Variants in IDI2 observed in about 807,000 individuals in gnomAD.
IDI2 encodes isopentenyl-diphosphate delta-isomerase 2.
Under a neutral mutation model 14.8 loss-of-function variants are expected in IDI2, and 18 were observed. That is an observed-to-expected ratio of 1.22 (90% confidence interval 0.84 to 1.80). The LOEUF is 1.80. IDI2 is among the 40% of genes most tolerant of loss of function. The pLI is 0.00. For synonymous variants in IDI2, 133 were observed against 109.6 expected (o/e 1.21, Z -1.33); for missense variants, 316 against 283.2 (o/e 1.12, Z -0.83).
At chr10:1,022,136 G>T (rs1291348014) in intron 3 of IDI2, among the ~76,000 whole-genome samples, 6 of 152,116 alleles carry the variant, frequency 3.9e-5, no homozygotes, top group Non-Finnish European at 7.4e-5. Context: ...GCGGGCGCCT[G>T]TAGTCCCAGC....
Position 1,024,753 on chromosome 10 carries a change from G to C in IDI2, c.-21-9C>G. ...GCTGGCTGTGACCCGACCTGAAATA[G>C]ATGCACACAAATGCCTCTTTATGTG... is the stretch of plus-strand genomic sequence containing the variant. On this transcript the variant is annotated splice_polypyrimidine_tract_variant and intron_variant, in intron 1 of 4. Transcript: ENST00000277517. 1 of 1,613,276 alleles carries C rather than the reference G, an allele frequency of 6.2e-7. No homozygotes were observed. Among genetic ancestry groups the C allele is most frequent in the Non-Finnish European group, 8.5e-7 (1 of 1,179,706 alleles).
intron 1 of IDI2, among the ~76,000 whole-genome samples, chr10:1,025,052 A>ACACACACAC (rs71376881): frequency 1.4e-5 from 2 of 143,376 alleles, no homozygotes; most frequent in African/African-American, 2.6e-5. Flanking sequence ...ACACACACAC[A>ACACACACAC]AAACACACCG....
At chr10:1,022,824 G>T in intron 2 of IDI2, 49 bp from the exon 3 acceptor site, 1 of 1,376,826 alleles carries the variant, frequency 7.3e-7, no homozygotes, top group Non-Finnish European at 1.0e-6. Flanking sequence ...GAGTCTGTAC[G>T]ATTGTCCTTC....
chr10:1,019,252 A>G lies in IDI2; in HGVS notation c.*265T>C. The G allele has an allele frequency of 2.7e-6, 1 of 376,090 alleles. No individual in the cohort carries two copies. The highest frequency in any genetic ancestry group is 4.8e-6 in the Non-Finnish European group (1 of 207,694). The allele number at this position is 376,090 out of a possible 1,614,324, so 23.3% of individuals were successfully genotyped here. A position where few individuals can be genotyped will look rare whatever the true frequency, so the allele number is the denominator to read the frequency against. On this transcript the variant is annotated 3_prime_UTR_variant, in exon 5 of 5. Transcript: ENST00000277517. ...TTTCAGGATCAGCTGCTGTTAATCA[A>G]ACAAGTGCTTATAAAATGGAAATTG...
intron 1 of IDI2, among the ~76,000 whole-genome samples, chr10:1,025,082 C>T (rs1413225065): frequency 6.6e-6 from 1 of 151,182 alleles, no homozygotes; most frequent in African/African-American, 2.4e-5. Context: ...GTAGGTAACA[C>T]TCTTTGTACA....
At chr10:1,024,516 G>A (rs964936852) in intron 2 of IDI2, 66 bp downstream of exon 2, 8 of 1,570,510 alleles carry the variant, frequency 5.1e-6, no homozygotes, top group Admixed American at 1.8e-5. Flanking sequence ...CTCTTCTTAG[G>A]TTGCCGTCGG....
chr10:1,020,968 T>C lies in IDI2; in HGVS notation c.236-71A>G, dbSNP rs548692670. 2.7e-5 allele frequency: 41 copies of C among 1,501,868 alleles called. No individual in the cohort carries two copies. In the African/African-American group the frequency reaches 4.8e-4, roughly 18 times the overall value. 93.0% of individuals were successfully genotyped at this position (1,501,868 alleles called of 1,614,324 possible). A position where few individuals can be genotyped will look rare whatever the true frequency, so the allele number is the denominator to read the frequency against. On this transcript the variant is annotated intron_variant, in intron 3 of 4. Transcript: ENST00000277517. Reference sequence around the variant, plus strand: ...TGAATATATTAAATACAAATGCAGATGCTTCATGTAAAACCATCATCCGTC... The same window carrying C: ...TGAATATATTAAATACAAATGCAGACGCTTCATGTAAAACCATCATCCGTC...
intron 3 of IDI2, 157 bp downstream of exon 3, chr10:1,022,526 A>G: frequency 1.7e-6 from 1 of 599,570 alleles, no homozygotes; most frequent in East Asian, 2.8e-5. Flanking sequence ...AGCTATCAGC[A>G]TAATTAGCAT....
chr10:1,025,025 C>CACACAG (rs1307414100), intron 1 of IDI2, among the ~76,000 whole-genome samples: 66 of 28,690 alleles, frequency 2.3e-3, no homozygotes, highest in African/African-American at 9.9e-3. Context: ...CACACACACA[C>CACACAG]ACACACACAC....
rs10160004 is a variant in IDI2, at chr10:1,019,847, A to G, written c.367-13T>C. ...CCTCTGGAGAAATCTATTGACAGAAATTGGTGCAGTGTTAACAACGCTAAT... is the reference window on the plus strand; with the variant it reads ...CCTCTGGAGAAATCTATTGACAGAAGTTGGTGCAGTGTTAACAACGCTAAT... On this transcript the variant is annotated splice_polypyrimidine_tract_variant and intron_variant, in intron 4 of 4. Transcript: ENST00000277517. 16,447 of 1,593,568 alleles carry G rather than the reference A, an allele frequency of 0.01. 1,416 individuals carry two copies. The African/African-American group carries it at 0.19, about 19-fold the overall frequency.
Position 1,019,783 on chromosome 10 carries a change from A to G in IDI2, c.418T>C (p.Ser140Pro), listed in dbSNP as rs576808585. 5.6e-6 allele frequency: 9 copies of G among 1,613,986 alleles called. No homozygotes were observed. In the East Asian group the frequency reaches 1.6e-4, roughly 28 times the overall value. Residue 140 changes from serine (S) to proline (P), a missense_variant, in exon 5 of 5, where the codon TCA becomes CCA. Physicochemically the swap from Ser to Pro is moderately conservative, Grantham distance 74 (BLOSUM62 -1). Coordinates refer to ENST00000277517, the MANE Select transcript of IDI2 (RefSeq NM_033261.3). ...TCATGCTCTCCCCAAATTCTGTCTG[A>G]TTTTGCCTTGTGGTGATAGATTGTC... ...FMTIYHHKAK[S>P]DRIWGEHEIC...
Position 1,019,734 on chromosome 10 carries a change from C to T in IDI2, c.467G>A (p.Arg156Lys). Residue 156 changes from arginine (R) to lysine (K), a missense_variant, in exon 5 of 5, where the codon AGG (arginine) becomes AAG (lysine). Transcript: ENST00000277517. ...ATCCGGGTTCAGAGTGACGTTTTTCCTCACAAGCAGAAGGTAACAAATTTC... is the reference window on the plus strand; with the variant it reads ...ATCCGGGTTCAGAGTGACGTTTTTCTTCACAAGCAGAAGGTAACAAATTTC... ...EHEICYLLLV[R>K]KNVTLNPDPS... The T allele has an allele frequency of 1.2e-6, 2 of 1,613,950 alleles. No homozygotes were observed. Among genetic ancestry groups the T allele is most frequent in the Non-Finnish European group, 1.7e-6 (2 of 1,180,000 alleles).
Position 1,019,217 on chromosome 10 carries a change from T to C in IDI2, c.*300A>G. On this transcript the variant is annotated 3_prime_UTR_variant, in exon 5 of 5. Coordinates refer to ENST00000277517, the MANE Select transcript of IDI2 (RefSeq NM_033261.3). ...CGCCTGCTTCAGGACTCTCAAGATC[T>C]CCCCAAGACTTTCAGGATCAGCTGC... 3.5e-6 allele frequency: 1 copy of C among 285,076 alleles called. No homozygotes were observed. The highest frequency in any genetic ancestry group is 8.3e-5 in the East Asian group (1 of 12,000). The allele number at this position is 285,076 out of a possible 1,614,324, so 17.7% of individuals were successfully genotyped here. A position where few individuals can be genotyped will look rare whatever the true frequency, so the allele number is the denominator to read the frequency against.
intron 2 of IDI2, among the ~76,000 whole-genome samples, chr10:1,023,953 T>C (rs925477903): frequency 7.9e-5 from 12 of 152,214 alleles, no homozygotes; most frequent in African/African-American, 2.9e-4. Flanking sequence ...ATAATTATTA[T>C]GTGTTTATAA....
chr10:1,022,885 A>T (rs774727141), intron 2 of IDI2, 110 bp from the exon 3 acceptor site: 19 of 797,662 alleles, frequency 2.4e-5, no homozygotes, highest in Non-Finnish European at 3.6e-5. Context: ...TGATTGTGGC[A>T]CCTGGGCAGG....
Position 1,024,676 on chromosome 10 carries a change from G to A in IDI2, c.48C>T (p.Arg16=). The change falls in exon 2 of 5, where the codon CGC becomes CGT. Residue 16 remains arginine, a synonymous_variant. Coordinates refer to ENST00000277517, the MANE Select transcript of IDI2 (RefSeq NM_033261.3). ...LDWVDRRQLQ[R]LEEMLIVVDE... The stretch of plus-strand genomic sequence containing the variant: ...CCACAACAATCAGCATTTCCTCCAA[G>A]CGCTGCAACTGACGCCTGTCAACCC... 2 of 1,614,146 alleles carry A rather than the reference G, an allele frequency of 1.2e-6. No individual in the cohort carries two copies. The highest frequency in any genetic ancestry group is 1.1e-5 in the South Asian group (1 of 91,072).
At chr10:1,020,045 A>C in intron 4 of IDI2, 1 of 579,134 alleles carries the variant, frequency 1.7e-6, no homozygotes, top group Non-Finnish European at 3.1e-6. Context: ...GTTCCAGTAA[A>C]CCTGTCTGTC....
At chr10:1,025,728 T>C (rs1371277119) in intron 1 of IDI2, 88 bp downstream of exon 1, 1 of 152,072 alleles carries the variant, frequency 6.6e-6, no homozygotes, top group Admixed American at 6.6e-5. Flanking sequence ...TGAGATACAA[T>C]AGAAATGCAG....
In IDI2 at chr10:1,019,466, G is replaced by T. The variant is rs41260144; in HGVS notation, c.*51C>A. On this transcript the variant is annotated 3_prime_UTR_variant, in exon 5 of 5. Coordinates refer to ENST00000277517, the MANE Select transcript of IDI2 (RefSeq NM_033261.3). ...GGGTGTATCATTGCCTCAATGGTGC[G>T]TCTGCCTGCACTGAGGGCATTACAC... The T allele has an allele frequency of 0.18, 255,407 of 1,452,298 alleles. 25,297 individuals are homozygous for T. Among genetic ancestry groups the T allele is most frequent in the Non-Finnish European group, 0.21 (219,411 of 1,063,826 alleles). 90.0% of individuals were successfully genotyped at this position (1,452,298 alleles called of 1,614,324 possible). A position where few individuals can be genotyped will look rare whatever the true frequency, so the allele number is the denominator to read the frequency against.
Sources: gnomAD v4.1 joint callset for allele counts (sites outside exome capture counted in the v4.1 genomes callset) on GRCh38, gnomAD v4.1.1 for gene constraint, MANE v1.5 for transcripts, NCBI Gene and HGNC (gene_info 2026-07-23, HGNC 2026-07-21) for gene names.